Variants in NKAIN3 observed in about 807,000 individuals in gnomAD.
The protein encoded by NKAIN3 is sodium/potassium transporting ATPase interacting 3, also known as sodium/potassium-transporting ATPase subunit beta-1-interacting protein 3.
In NKAIN3, 25 loss-of-function variants were observed where a neutral mutation model predicts 30.2. That is an observed-to-expected ratio of 0.83 (90% CI 0.60 to 1.16). The LOEUF is 1.16. Ranked by LOEUF, NKAIN3 falls within the 50% of genes most tolerant of loss-of-function variation. The pLI is 0.00. For missense variants in NKAIN3, 225 were observed against 254.1 expected (o/e 0.89, Z 0.78); for synonymous variants, 91 against 89.6 (o/e 1.02, Z -0.09).
exon 6 of NKAIN3, chr8:62,999,531 A>G (rs1279041397): frequency 6.6e-6 from 1 of 152,214 alleles, no homozygotes; most frequent in African/African-American, 2.4e-5. Flanking sequence ...TGGAGGGGAC[A>G]AATATCAAAA....
At chr8:62,620,965 G>A (rs1387763690) in intron 3 of NKAIN3, among the ~76,000 whole-genome samples, 1 of 152,140 alleles carries the variant, frequency 6.6e-6, no homozygotes, top group Non-Finnish European at 1.5e-5. Flanking sequence ...TATGAATGTG[G>A]TGATCCTGAG....
intron 4 of NKAIN3, among the ~76,000 whole-genome samples, chr8:62,892,041 G>T (rs887830507): frequency 1.3e-5 from 2 of 152,146 alleles, no homozygotes; most frequent in Non-Finnish European, 2.9e-5. Context: ...CAAAACTAGG[G>T]CTGATGAAGA....
intron 3 of NKAIN3, among the ~76,000 whole-genome samples, chr8:62,612,117 G>A (rs1380911317): frequency 6.6e-6 from 1 of 151,644 alleles, no homozygotes; most frequent in African/African-American, 2.4e-5. Flanking sequence ...CAAATATTTT[G>A]CCTATTTTTT....
At chr8:62,743,675 G>A (rs1404946560) in intron 3 of NKAIN3, among the ~76,000 whole-genome samples, 1 of 152,160 alleles carries the variant, frequency 6.6e-6, no homozygotes, top group Admixed American at 6.5e-5. Flanking sequence ...TTGAGTCCAG[G>A]AGTTCAAGGA....
intron 5 of NKAIN3, among the ~76,000 whole-genome samples, chr8:62,943,738 A>G (rs988889974): frequency 1.2e-4 from 17 of 147,608 alleles, no homozygotes; most frequent in Non-Finnish European, 1.0e-4. Flanking sequence ...GTATATATTT[A>G]TATATTTATA....
Position 62,967,544 on chromosome 8 carries a change from C to T in NKAIN3, c.*2137C>T, listed in dbSNP as rs1285502078. ...CGCTATGAAGAGCCCACAGAAACAA[C>T]AAACTCTGTTTTTTAAAAAGCAGCT... is the stretch of plus-strand genomic sequence containing the variant. On this transcript the variant is annotated 3_prime_UTR_variant, in exon 7 of 7. Transcript: ENST00000623646. Among the ~76,000 whole-genome samples, 3 of 152,088 alleles carry T rather than the reference C, an allele frequency of 2.0e-5. No individual in the cohort carries two copies. Among genetic ancestry groups the T allele is most frequent in the African/African-American group, 7.2e-5 (3 of 41,386 alleles).
intron 1 of NKAIN3, among the ~76,000 whole-genome samples, chr8:62,328,680 C>G (rs543737755): frequency 2.0e-5 from 3 of 152,036 alleles, no homozygotes; most frequent in Non-Finnish European, 4.4e-5. Flanking sequence ...GATATTTTAC[C>G]TCTCTACATT....
At chr8:62,512,598 T>C (rs1807847409) in intron 1 of NKAIN3, among the ~76,000 whole-genome samples, 1 of 152,156 alleles carries the variant, frequency 6.6e-6, no homozygotes, top group African/African-American at 2.4e-5. Flanking sequence ...TCCACTATTC[T>C]ACTTGCTAAG....
chr8:62,511,414 C>A (rs1306341490), intron 1 of NKAIN3, among the ~76,000 whole-genome samples: 1 of 152,136 alleles, frequency 6.6e-6, no homozygotes, highest in Non-Finnish European at 1.5e-5. Context: ...CAGATGCCAC[C>A]CAGATCCCTG....
intron 1 of NKAIN3, among the ~76,000 whole-genome samples, chr8:62,549,569 A>G (rs574524387): frequency 6.6e-6 from 1 of 152,202 alleles, no homozygotes; most frequent in South Asian, 2.1e-4. Flanking sequence ...TCTGCCTAGA[A>G]ATTTGACAAC....
chr8:62,394,950 C>T (rs1237686751), intron 1 of NKAIN3, among the ~76,000 whole-genome samples: 1 of 149,074 alleles, frequency 6.7e-6, no homozygotes, highest in Non-Finnish European at 1.5e-5. Context: ...GTGGGGCAGC[C>T]AAGCAGAGGC....
chr8:62,794,713 A>G (rs575967025), intron 4 of NKAIN3, among the ~76,000 whole-genome samples: 1 of 152,292 alleles, frequency 6.6e-6, no homozygotes, highest in East Asian at 1.9e-4. Flanking sequence ...ACTTCCTGGT[A>G]GTTGCCTACA....
At chr8:62,856,354 T>C in intron 4 of NKAIN3, 1 of 878,664 alleles carries the variant, frequency 1.1e-6, no homozygotes, top group South Asian at 1.3e-5. Context: ...GCTTGCTTCC[T>C]GGTCTCCTTG....
At chr8:62,265,029 G>T (rs1812561729) in intron 1 of NKAIN3, among the ~76,000 whole-genome samples, 1 of 152,136 alleles carries the variant, frequency 6.6e-6, no homozygotes, top group African/African-American at 2.4e-5. Flanking sequence ...AGAAAAGAGT[G>T]ATATCAGAAG....
At chr8:62,541,725 G>T (rs1481177743) in intron 1 of NKAIN3, among the ~76,000 whole-genome samples, 1 of 150,652 alleles carries the variant, frequency 6.6e-6, no homozygotes, top group Non-Finnish European at 1.5e-5. Context: ...TAAATTTCAA[G>T]CTCTTTTTAT....
chr8:62,705,050 G>T (rs1005750973), intron 3 of NKAIN3, among the ~76,000 whole-genome samples: 1 of 152,118 alleles, frequency 6.6e-6, no homozygotes, highest in Non-Finnish European at 1.5e-5. Flanking sequence ...CAATGATTTG[G>T]TTAAATGGAA....
At chr8:62,644,843 A>G (rs1812409649) in intron 3 of NKAIN3, among the ~76,000 whole-genome samples, 2 of 152,166 alleles carry the variant, frequency 1.3e-5, no homozygotes, top group Admixed American at 6.5e-5. Flanking sequence ...TTGCTGATCA[A>G]TTTGTTTGCA....
intron 1 of NKAIN3, among the ~76,000 whole-genome samples, chr8:62,522,055 C>G (rs1414861210): frequency 6.6e-6 from 1 of 152,062 alleles, no homozygotes; most frequent in Non-Finnish European, 1.5e-5. Flanking sequence ...TGAGAGTGAA[C>G]AGTCTGCAAA....
intron 1 of NKAIN3, among the ~76,000 whole-genome samples, chr8:62,567,316 G>A (rs1376645909): frequency 1.3e-5 from 2 of 152,064 alleles, no homozygotes; most frequent in Non-Finnish European, 2.9e-5. Context: ...GCTGAGATGT[G>A]CATACATGCC....
Sources: gnomAD v4.1 joint callset for allele counts (sites outside exome capture counted in the v4.1 genomes callset) on GRCh38, gnomAD v4.1.1 for gene constraint, MANE v1.5 for transcripts, NCBI Gene and HGNC (gene_info 2026-07-23, HGNC 2026-07-21) for gene names.